The following RBMS1 variants were observed in gnomAD, a reference collection of about 807,000 sequenced individuals.
The protein encoded by RBMS1 is RNA-binding motif, single-stranded-interacting protein 1.
A neutral mutation model predicts 62.3 loss-of-function variants in RBMS1; 17 were observed. That is an observed-to-expected ratio of 0.27 (90% CI 0.19 to 0.41). RBMS1 has a LOEUF of 0.41. RBMS1 is among the 10% of genes least tolerant of loss of function. RBMS1 has a pLI of 1.00. For synonymous variants in RBMS1, 172 were observed against 170.0 expected, an observed-to-expected ratio of 1.01 and a Z score of -0.09; for missense variants, 334 against 504.5, an observed-to-expected ratio of 0.66 and a Z score of 3.24.
intron 1 of RBMS1, among the ~76,000 whole-genome samples, chr2:160,439,694 C>T (rs968732788): frequency 2.6e-5 from 4 of 152,170 alleles, no homozygotes; most frequent in Admixed American, 2.6e-4. Context: ...TTTGGGAGGC[C>T]AAGGCAGGCT....
chr2:160,455,002 C>T (rs1013429130), intron 1 of RBMS1, among the ~76,000 whole-genome samples: 5 of 152,164 alleles, frequency 3.3e-5, no homozygotes, highest in Admixed American at 1.3e-4. Context: ...CAAACCACCT[C>T]TGTAGCTGTC....
At chr2:160,420,331 A>G (rs1383603644) in intron 1 of RBMS1, among the ~76,000 whole-genome samples, 1 of 152,112 alleles carries the variant, frequency 6.6e-6, no homozygotes, top group African/African-American at 2.4e-5. Context: ...CTGTTTTTCC[A>G]TCAGCCAAAC....
intron 1 of RBMS1, among the ~76,000 whole-genome samples, chr2:160,391,310 A>G (rs958182711): frequency 6.6e-6 from 1 of 151,580 alleles, no homozygotes; most frequent in African/African-American, 2.4e-5. Context: ...ATGTTGCCAC[A>G]AGTCAACTAC....
intron 2 of RBMS1, among the ~76,000 whole-genome samples, chr2:160,356,333 G>C (rs186181569): frequency 1.3e-5 from 2 of 152,034 alleles, no homozygotes; most frequent in Non-Finnish European, 2.9e-5. Flanking sequence ...TATTCAAGTG[G>C]ACATAAGAAA....
chr2:160,311,240 A>ATATATATATC (rs1199395011), intron 4 of RBMS1, among the ~76,000 whole-genome samples: 5,837 of 91,456 alleles, frequency 0.064, 404 homozygotes, highest in African/African-American at 0.13. Flanking sequence ...ATCTATATAT[A>ATATATATATC]TATATATATA....
Position 160,311,228 on chromosome 2 carries a change from CTATCTATATAT to C in RBMS1, c.402+1917_402+1927del, listed in dbSNP as rs1689860180. Among the ~76,000 whole-genome samples the C allele has an allele frequency of 5.2e-5, 5 of 95,926 alleles. 1 individual carries two copies. Among genetic ancestry groups the C allele is most frequent in the Admixed American group, 1.4e-4 (1 of 7,110 alleles). The allele number at this position is 95,926 out of a possible 152,430, so 62.9% of individuals were successfully genotyped here. A position where few individuals can be genotyped will look rare whatever the true frequency, so the allele number is the denominator to read the frequency against. On this transcript the variant is annotated intron_variant, in intron 4 of 13. Transcript: ENST00000348849. ...AAAAAAAATCTATCTATCTATCTAT[CTATCTATATAT>C]ATATATATATATATATATAGTCTGT...
chr2:160,475,940 T>G (rs1003321739), intron 1 of RBMS1, among the ~76,000 whole-genome samples: 1 of 151,364 alleles, frequency 6.6e-6, no homozygotes, highest in African/African-American at 2.4e-5. Flanking sequence ...CACTGCAACC[T>G]TCGCCCCCCG....
At chr2:160,335,696 GAGA>G (rs1012338377) in intron 2 of RBMS1, among the ~76,000 whole-genome samples, 1 of 152,072 alleles carries the variant, frequency 6.6e-6, no homozygotes, top group African/African-American at 2.4e-5. Context: ...CTTCCCAGTC[GAGA>G]AGGACTCTTT....
At chr2:160,351,106 C>A (rs1692470425) in intron 2 of RBMS1, among the ~76,000 whole-genome samples, 1 of 148,612 alleles carries the variant, frequency 6.7e-6, no homozygotes, top group Non-Finnish European at 1.5e-5. Flanking sequence ...TGTTCTCACT[C>A]ATAGGTGGGA....
At chr2:160,430,207 C>G (rs1452630738) in intron 1 of RBMS1, among the ~76,000 whole-genome samples, 1 of 152,182 alleles carries the variant, frequency 6.6e-6, no homozygotes, top group Non-Finnish European at 1.5e-5. Flanking sequence ...CTGATCCCAG[C>G]CAACCCAGGA....
intron 1 of RBMS1, among the ~76,000 whole-genome samples, chr2:160,377,592 A>C (rs940544663): frequency 6.6e-6 from 1 of 152,198 alleles, no homozygotes; most frequent in Non-Finnish European, 1.5e-5. Flanking sequence ...CCTTTGTTCC[A>C]CTGATTTCAA....
intron 4 of RBMS1, among the ~76,000 whole-genome samples, chr2:160,311,224 C>CCATATATATATATATATATATATATA (rs71297446): frequency 3.5e-5 from 2 of 56,624 alleles, no homozygotes; most frequent in Non-Finnish European, 3.6e-5. Flanking sequence ...ATCTATCTAT[C>CCATATATATATATATATATATATATA]TATCTATCTA....
At chr2:160,310,339 C>T (rs1689780012) in intron 4 of RBMS1, among the ~76,000 whole-genome samples, 1 of 152,174 alleles carries the variant, frequency 6.6e-6, no homozygotes, top group African/African-American at 2.4e-5. Flanking sequence ...TGTGATGTCT[C>T]TCAGCATCAG....
chr2:160,282,807 C>A (rs541151791), intron 9 of RBMS1: 1 of 153,412 alleles, frequency 6.5e-6, no homozygotes, highest in Admixed American at 6.5e-5. Flanking sequence ...TGCACACACA[C>A]AAGCAACATT....
chr2:160,412,462 C>T (rs1696071621), intron 1 of RBMS1, among the ~76,000 whole-genome samples: 1 of 152,136 alleles, frequency 6.6e-6, no homozygotes, highest in South Asian at 2.1e-4. Context: ...GGATTAAAAT[C>T]TAGACCTGGC....
chr2:160,374,025 C>T (rs1693866894), intron 1 of RBMS1, among the ~76,000 whole-genome samples: 1 of 152,086 alleles, frequency 6.6e-6, no homozygotes, highest in South Asian at 2.1e-4. Context: ...GTAATCCCAG[C>T]ACTTTGGGAG....
chr2:160,381,733 G>T (rs984574729), intron 1 of RBMS1, among the ~76,000 whole-genome samples: 2 of 152,182 alleles, frequency 1.3e-5, no homozygotes, highest in Non-Finnish European at 2.9e-5. Context: ...GCTACGAATG[G>T]TATATCTATG....
Position 160,285,017 on chromosome 2 carries a change from T to C in RBMS1, c.784A>G (p.Thr262Ala), listed in dbSNP as rs1688299935. 6.2e-7 allele frequency: 1 copy of C among 1,613,392 alleles called. No individual in the cohort carries two copies. The highest frequency in any genetic ancestry group is 1.3e-5 in the African/African-American group (1 of 75,048). ...LAGMTLTYDP[T>A]TAAIQNGFYP... ...TACCCGTTCTGTATAGCAGCTGTAG[T>C]TGGGTCGTAAGTAAGTGTCATTCCA... Residue 262 changes from threonine (T) to alanine (A), a missense_variant, in exon 8 of 14, where the codon ACT (threonine) becomes GCT (alanine). Physicochemically the swap from Thr to Ala is moderately conservative, Grantham distance 58 (BLOSUM62 0). Around this residue, in one of 3 missense-constraint regions of RBMS1, gnomAD observed 182 missense variants for 257.7 expected, o/e 0.71. Transcript: ENST00000348849.
intron 1 of RBMS1, among the ~76,000 whole-genome samples, chr2:160,460,120 T>G (rs548199408): frequency 9.2e-5 from 14 of 152,358 alleles, no homozygotes; most frequent in African/African-American, 3.4e-4. Flanking sequence ...CCAGTGGTTG[T>G]CCTTACCCAA....
Sources: allele counts gnomAD v4.1 joint callset (sites outside exome capture counted in the v4.1 genomes callset), GRCh38; gene constraint gnomAD v4.1.1; regional missense constraint gnomAD v4.1.1; transcripts MANE v1.5; gene names NCBI Gene and HGNC (gene_info 2026-07-23, HGNC 2026-07-21).